Variants in SAMSN1 observed in about 807,000 individuals in gnomAD.
SAMSN1 encodes the protein SAM domain, SH3 domain and nuclear localization signals 1.
Under a neutral mutation model 42.0 loss-of-function variants are expected in SAMSN1, and 31 were observed. That is an observed-to-expected ratio of 0.74 (90% CI 0.55 to 1.00). The LOEUF (loss-of-function observed/expected upper bound fraction) is 1.00, where lower values mean the gene tolerates loss of function less well. Among genes scored for constraint, SAMSN1 ranks in the 50% least tolerant of loss-of-function variants. SAMSN1 has a pLI of 0.00. For synonymous variants in SAMSN1, 178 were observed against 151.9 expected (o/e 1.17, Z -1.26); for missense variants, 464 against 439.4 (o/e 1.06, Z -0.50).
chr21:14,560,205 C>T (rs2123196220), intron 2 of SAMSN1, among the ~76,000 whole-genome samples: 1 of 152,190 alleles, frequency 6.6e-6, no homozygotes, highest in South Asian at 2.1e-4. Context: ...CTTGAGAAAA[C>T]ATTTAGTGAA....
chr21:14,490,545 T>C (rs568883055), intron 7 of SAMSN1, among the ~76,000 whole-genome samples: 1 of 152,324 alleles, frequency 6.6e-6, no homozygotes, highest in East Asian at 1.9e-4. Context: ...GTGGACAACA[T>C]GGCATGTCTC....
At chr21:14,625,663 T>C (rs181087094) in intron 2 of SAMSN1, among the ~76,000 whole-genome samples, 2 of 152,214 alleles carry the variant, frequency 1.3e-5, no homozygotes, top group South Asian at 2.1e-4. Context: ...TCCATGCTCA[T>C]GGATAGGAAG....
Position 14,526,011 on chromosome 21 carries a change from T to A in SAMSN1, c.58-4790A>T, listed in dbSNP as rs147790789. On this transcript the variant is annotated intron_variant, in intron 1 of 7. Transcript: ENST00000400566. ...CCCCCGAGTAGCTGGGATTACAGGC[T>A]TGCACCCCCACGCCCAGCTAATTTT... is the stretch of plus-strand genomic sequence containing the variant. 8.0e-3 allele frequency among the ~76,000 whole-genome samples: 1,212 copies of A among 151,974 alleles called. 19 individuals are homozygous for A. The highest frequency in any genetic ancestry group is 0.028 in the African/African-American group (1,163 of 41,432).
intron 1 of SAMSN1, among the ~76,000 whole-genome samples, chr21:14,532,706 G>T (rs1979344215): frequency 6.6e-6 from 1 of 151,952 alleles, no homozygotes; most frequent in Non-Finnish European, 1.5e-5. Context: ...TGTTTTATTG[G>T]TAATGACTTT....
intron 2 of SAMSN1, among the ~76,000 whole-genome samples, chr21:14,632,482 G>A (rs1030699681): frequency 6.6e-6 from 1 of 151,782 alleles, no homozygotes; most frequent in Non-Finnish European, 1.5e-5. Flanking sequence ...TTGTATAATT[G>A]TAATACAAAT....
intron 2 of SAMSN1, among the ~76,000 whole-genome samples, chr21:14,555,331 G>A (rs1174751997): frequency 1.3e-5 from 2 of 152,154 alleles, no homozygotes; most frequent in African/African-American, 2.4e-5. Context: ...CTTGGTAAGT[G>A]TATGTAGCTA....
chr21:14,622,776 A>C (rs1012212810), intron 2 of SAMSN1, among the ~76,000 whole-genome samples: 1 of 152,218 alleles, frequency 6.6e-6, no homozygotes, highest in Non-Finnish European at 1.5e-5. Context: ...AGAATGCCAC[A>C]AAGATACTCC....
At chr21:14,509,334 T>C (rs1413987959) in intron 5 of SAMSN1, among the ~76,000 whole-genome samples, 1 of 152,154 alleles carries the variant, frequency 6.6e-6, no homozygotes, top group Non-Finnish European at 1.5e-5. Flanking sequence ...TTCTCACTCA[T>C]AAGCAAGAGC....
intron 3 of SAMSN1, among the ~76,000 whole-genome samples, chr21:14,514,135 A>G (rs1022964252): frequency 6.6e-6 from 1 of 152,232 alleles, no homozygotes; most frequent in African/African-American, 2.4e-5. Flanking sequence ...AAACTTTAGT[A>G]TAAGAATCCT....
In SAMSN1 at chr21:14,521,145, C is replaced by T. The variant is rs368832041; in HGVS notation, c.129+5G>A. 2.7e-5 allele frequency: 43 copies of T among 1,580,106 alleles called. No individual in the cohort carries two copies. Among genetic ancestry groups the T allele is most frequent in the Middle Eastern group, 3.3e-4 (2 of 6,000 alleles). ...ACATTCATAAAAATGGAATAAACTA[C>T]GAACCTCAGTTGAATCATCTGGTTT... On this transcript the variant is annotated splice_donor_5th_base_variant and intron_variant, in intron 2 of 7. Coordinates refer to ENST00000400566, the MANE Select transcript of SAMSN1 (RefSeq NM_022136.5).
At chr21:14,647,198 A>G (rs1304561221) in intron 1 of SAMSN1, among the ~76,000 whole-genome samples, 1 of 152,182 alleles carries the variant, frequency 6.6e-6, no homozygotes, top group East Asian at 1.9e-4. Context: ...AAAAGCACAT[A>G]TATATGGCTA....
chr21:14,571,327 T>A (rs1981293381), intron 2 of SAMSN1, among the ~76,000 whole-genome samples: 1 of 152,200 alleles, frequency 6.6e-6, no homozygotes, highest in Non-Finnish European at 1.5e-5. Flanking sequence ...GTGCCCTGGA[T>A]AAAAAATCCT....
upstream of SAMSN1, among the ~76,000 whole-genome samples, chr21:14,585,774 A>G (rs960239272): frequency 7.9e-5 from 12 of 152,330 alleles, no homozygotes; most frequent in African/African-American, 2.9e-4. Flanking sequence ...CTAATTTTAT[A>G]CATGTTTTAT....
chr21:14,488,916 A>G (rs926844152), intron 7 of SAMSN1, among the ~76,000 whole-genome samples: 1 of 152,180 alleles, frequency 6.6e-6, no homozygotes, highest in South Asian at 2.1e-4. Context: ...AAGGCAGGTC[A>G]TTATGTTATA....
At chr21:14,505,641 A>T (rs2123705377) in intron 5 of SAMSN1, among the ~76,000 whole-genome samples, 1 of 152,354 alleles carries the variant, frequency 6.6e-6, no homozygotes, top group East Asian at 1.9e-4. Flanking sequence ...ACAGCAACAC[A>T]GTAATAGTGG....
exon 2 of SAMSN1, chr21:14,582,202 G>C: frequency 6.4e-7 from 1 of 1,550,648 alleles, no homozygotes; most frequent in Non-Finnish European, 8.7e-7. Flanking sequence ...TACAAGAGGA[G>C]CAGTGGTCCC....
rs1983893813 is a variant in SAMSN1 at position 14,654,952 on chromosome 21, C to G, written c.24+3796G>C. Among the ~76,000 whole-genome samples the G allele has an allele frequency of 4.0e-5, 6 of 151,776 alleles. No homozygotes were observed. In the South Asian group the frequency reaches 1.0e-3, roughly 26 times the overall value. ...AGAGATCAAATGCTGAGGAAGAGAG[C>G]CAACTGAATTGACAATCAGAAAATT... On this transcript the variant is annotated intron_variant, in intron 1 of 15. Coordinates refer to the SAMSN1 transcript ENST00000647101.
In SAMSN1 at chr21:14,582,245, C is replaced by T. The variant is rs1203534252; in HGVS notation, c.152G>A (p.Cys51Tyr). The T allele has an allele frequency of 5.8e-6, 9 of 1,550,794 alleles. No individual in the cohort carries two copies. The African/African-American group carries it at 1.1e-4, about 19-fold the overall frequency. ...AACTTGTGCTATTTGGAAATCAAGA[C>T]ATGTCCAGAGAGGGTTTTCAGGAAA... Residue 51 changes from cysteine (C) to tyrosine (Y), a missense_variant, in exon 2 of 9, where the codon TGT becomes TAT. Coordinates refer to the SAMSN1 transcript ENST00000285670.
At chr21:14,520,407 T>A (rs903828027) in intron 2 of SAMSN1, among the ~76,000 whole-genome samples, 1 of 152,254 alleles carries the variant, frequency 6.6e-6, no homozygotes, top group Non-Finnish European at 1.5e-5. Context: ...AATGTATGTG[T>A]ATGTGTACAT....
Sources: allele counts gnomAD v4.1 joint callset (sites outside exome capture counted in the v4.1 genomes callset), GRCh38; gene constraint gnomAD v4.1.1; transcripts MANE v1.5; gene names NCBI Gene and HGNC (gene_info 2026-07-23, HGNC 2026-07-21).